OSBPL6: variants seen among roughly 807,000 people sequenced by gnomAD.
OSBPL6 encodes oxysterol binding protein like 6.
OSBPL6 carries 49 observed loss-of-function variants against 125.8 expected under a neutral mutation model. The observed-to-expected ratio is 0.39, with a 90% CI of 0.31 to 0.49. The LOEUF (loss-of-function observed/expected upper bound fraction) is 0.49, where lower values mean the gene tolerates loss of function less well. Ranked by LOEUF, OSBPL6 falls within the 20% of genes least tolerant of loss-of-function variation. The pLI is 0.88. For missense variants in OSBPL6, 986 were observed against 1,135.4 expected (o/e 0.87, Z 1.89); for synonymous variants, 394 against 391.8 (o/e 1.01, Z -0.07).
intron 5 of OSBPL6, 98 bp from the exon 6 acceptor site, chr2:178,331,454 A>G (rs1574889976): frequency 8.1e-7 from 1 of 1,231,768 alleles, no homozygotes; most frequent in Non-Finnish European, 1.2e-6. Flanking sequence ...GATCAAACAT[A>G]TTGATTAATA....
In OSBPL6 at chr2:178,241,992, C is replaced by T. The variant is rs375922146; in HGVS notation, c.-350-42935C>T. Among the ~76,000 whole-genome samples, 37 of 152,220 alleles carry T rather than the reference C, an allele frequency of 2.4e-4. 1 individual carries two copies. In the East Asian group the frequency reaches 4.6e-3, roughly 19 times the overall value. ...TGTAGCCTGGGAGCAATAGGCAATA[C>T]CGTACAGGGTGGGTGTGTAGTAGGC... is the stretch of plus-strand genomic sequence containing the variant. On this transcript the variant is annotated intron_variant, in intron 1 of 24. Transcript: ENST00000190611.
At chr2:178,217,502 A>T (rs2090140786) in intron 1 of OSBPL6, among the ~76,000 whole-genome samples, 1 of 152,156 alleles carries the variant, frequency 6.6e-6, no homozygotes, top group Admixed American at 6.5e-5. Context: ...TTAGGAGTGG[A>T]GGTTTAATAG....
At chr2:178,274,494 C>T (rs2092432084) in intron 1 of OSBPL6, among the ~76,000 whole-genome samples, 1 of 152,106 alleles carries the variant, frequency 6.6e-6, no homozygotes, top group Admixed American at 6.6e-5. Flanking sequence ...TACTGTTACT[C>T]TCTCCATCTT....
chr2:178,380,605 T>C (rs1319244772), intron 15 of OSBPL6, among the ~76,000 whole-genome samples: 1 of 152,008 alleles, frequency 6.6e-6, no homozygotes, highest in African/African-American at 2.4e-5. Flanking sequence ...ACTAATCCAG[T>C]CTTTCAGGAG....
intron 19 of OSBPL6, 89 bp downstream of exon 19, chr2:178,385,610 T>G: frequency 9.9e-7 from 1 of 1,011,326 alleles, no homozygotes; most frequent in Non-Finnish European, 1.5e-6. Context: ...TCAGTTTAGA[T>G]TTCTACCTTT....
At chr2:178,381,555 A>G (rs1332019583) in intron 15 of OSBPL6, among the ~76,000 whole-genome samples, 2 of 151,824 alleles carry the variant, frequency 1.3e-5, no homozygotes, top group Non-Finnish European at 2.9e-5. Flanking sequence ...GGGTTTCACC[A>G]TGTTAGCCAG....
chr2:178,281,345 T>G (rs1334136575), intron 1 of OSBPL6, among the ~76,000 whole-genome samples: 1 of 152,124 alleles, frequency 6.6e-6, no homozygotes, highest in East Asian at 1.9e-4. Context: ...AATCTTTGCC[T>G]TGCCTATGTC....
intron 1 of OSBPL6, among the ~76,000 whole-genome samples, chr2:178,253,472 A>G (rs550688744): frequency 3.3e-5 from 5 of 152,324 alleles, no homozygotes; most frequent in Admixed American, 6.5e-5. Context: ...GATATTGACT[A>G]TTAAATTTGG....
chr2:178,350,779 G>A (rs1274411017), intron 12 of OSBPL6, among the ~76,000 whole-genome samples: 2 of 152,168 alleles, frequency 1.3e-5, no homozygotes, highest in Non-Finnish European at 2.9e-5. Context: ...GGAAGGAGGT[G>A]CAAAAGGTAG....
At chr2:178,371,073 A>G (rs1693335729) in intron 13 of OSBPL6, among the ~76,000 whole-genome samples, 1 of 152,250 alleles carries the variant, frequency 6.6e-6, no homozygotes, top group African/African-American at 2.4e-5. Flanking sequence ...ATGAAGCGGA[A>G]TGCCCATTCC....
intron 1 of OSBPL6, among the ~76,000 whole-genome samples, chr2:178,200,861 T>C (rs1391030534): frequency 2.0e-5 from 3 of 151,942 alleles, no homozygotes; most frequent in Non-Finnish European, 2.9e-5. Flanking sequence ...AGTGGCGCGA[T>C]CTCGGCTCAG....
intron 15 of OSBPL6, among the ~76,000 whole-genome samples, chr2:178,378,147 C>A (rs889886251): frequency 6.6e-6 from 1 of 152,076 alleles, no homozygotes; most frequent in African/African-American, 2.4e-5. Context: ...CCTTTTGTAT[C>A]CCTCTTTCCT....
intron 1 of OSBPL6, among the ~76,000 whole-genome samples, chr2:178,235,971 A>C (rs997476851): frequency 1.8e-4 from 28 of 152,218 alleles, no homozygotes; most frequent in Admixed American, 1.5e-3. Flanking sequence ...CAGGAGGTAC[A>C]TGTGCAGGCT....
rs2092403653 is a variant in OSBPL6, at chr2:178,273,114, G to A, written c.-350-11813G>A. On this transcript the variant is annotated intron_variant, in intron 1 of 24. Coordinates refer to ENST00000190611, the MANE Select transcript of OSBPL6 (RefSeq NM_032523.4). The stretch of plus-strand genomic sequence containing the variant: ...TCTAGGTAGAGGAAATGCACAGAGT[G>A]GGTAAAGAGTGAGTATGATTGGGGG... 2.0e-5 allele frequency among the ~76,000 whole-genome samples: 3 copies of A among 152,096 alleles called. No individual in the cohort carries two copies. In the South Asian group the frequency reaches 6.2e-4, roughly 32 times the overall value.
chr2:178,239,225 A>C (rs923664293), intron 1 of OSBPL6, among the ~76,000 whole-genome samples: 1 of 152,210 alleles, frequency 6.6e-6, no homozygotes. Context: ...CATGCAATAG[A>C]ATTATGTTAT....
intron 1 of OSBPL6, among the ~76,000 whole-genome samples, chr2:178,241,003 A>G (rs190056262): frequency 3.9e-5 from 6 of 152,290 alleles, no homozygotes; most frequent in African/African-American, 1.4e-4. Flanking sequence ...ACAATGGACT[A>G]CAATCTTTTT....
chr2:178,321,624 A>G (rs2154071081), intron 3 of OSBPL6, among the ~76,000 whole-genome samples: 1 of 152,314 alleles, frequency 6.6e-6, no homozygotes, highest in Admixed American at 6.5e-5. Flanking sequence ...TGGCTTCTTC[A>G]TTGTCATCCT....
intron 1 of OSBPL6, among the ~76,000 whole-genome samples, chr2:178,198,831 G>A (rs2089069236): frequency 6.6e-6 from 1 of 152,160 alleles, no homozygotes; most frequent in African/African-American, 2.4e-5. Flanking sequence ...TGCCAGCAAT[G>A]TTAGGGAGTT....
chr2:178,386,990 AAGTT>A (rs1694997141), intron 19 of OSBPL6, 67 bp from the exon 20 acceptor site: 1 of 989,956 alleles, frequency 1.0e-6, no homozygotes, highest in Non-Finnish European at 1.5e-6. Flanking sequence ...TGTAATACAA[AAGTT>A]AGTTTTTATA....
Sources: gnomAD v4.1 joint callset for allele counts (sites outside exome capture counted in the v4.1 genomes callset) on GRCh38, gnomAD v4.1.1 for gene constraint, MANE v1.5 for transcripts, NCBI Gene and HGNC (gene_info 2026-07-23, HGNC 2026-07-21) for gene names.